Variants in SLC30A7 observed in about 807,000 individuals in gnomAD.
SLC30A7 encodes solute carrier family 30 member 7.
Under a neutral mutation model 46.0 loss-of-function variants are expected in SLC30A7, and 35 were observed. That is an observed-to-expected ratio of 0.76 (90% CI 0.58 to 1.01). SLC30A7 has a LOEUF of 1.01. Among genes scored for constraint, SLC30A7 ranks in the 50% least tolerant of loss-of-function variants. SLC30A7 has a pLI of 0.00. For synonymous variants in SLC30A7, 147 were observed against 157.8 expected, an observed-to-expected ratio of 0.93 and a Z score of 0.51; for missense variants, 464 against 451.1, an observed-to-expected ratio of 1.03 and a Z score of -0.26.
chr1:100,953,028 T>G (rs1156775344), intron 8 of SLC30A7, among the ~76,000 whole-genome samples: 1 of 151,914 alleles, frequency 6.6e-6, no homozygotes, highest in Admixed American at 6.6e-5. Flanking sequence ...ATTTCCCCCT[T>G]GCTGTTCTTG....
chr1:100,921,606 T>TATATCA (rs1477773365), intron 7 of SLC30A7, 100 bp from the exon 8 acceptor site: 1 of 846,886 alleles, frequency 1.2e-6, no homozygotes, highest in Non-Finnish European at 1.8e-6. Flanking sequence ...AGTTGATATC[T>TATATCA]AGTTTTTTAT....
intron 8 of SLC30A7, among the ~76,000 whole-genome samples, chr1:100,931,116 A>G (rs1008957859): frequency 2.0e-5 from 3 of 152,168 alleles, no homozygotes; most frequent in African/African-American, 7.2e-5. Flanking sequence ...CAGTGAGCAT[A>G]GTAATGGTAA....
At chr1:100,941,868 G>A (rs928239476) in intron 8 of SLC30A7, 4 of 453,504 alleles carry the variant, frequency 8.8e-6, no homozygotes, top group African/African-American at 8.0e-5. Context: ...CACACACTCT[G>A]TGAGTGTTCC....
At chr1:100,964,638 A>G (rs1655770561) in intron 9 of SLC30A7, among the ~76,000 whole-genome samples, 1 of 152,166 alleles carries the variant, frequency 6.6e-6, no homozygotes, top group African/African-American at 2.4e-5. Flanking sequence ...TTGTAAAATT[A>G]AGCCAGTTTC....
At chr1:100,944,078 G>T (rs925327471) in intron 8 of SLC30A7, among the ~76,000 whole-genome samples, 4 of 152,130 alleles carry the variant, frequency 2.6e-5, no homozygotes, top group Non-Finnish European at 5.9e-5. Context: ...TCGAGACAGG[G>T]TCTGGCTCTG....
intron 4 of SLC30A7, among the ~76,000 whole-genome samples, chr1:100,911,683 T>TG (rs2101017381): frequency 6.6e-6 from 1 of 152,144 alleles, no homozygotes; most frequent in South Asian, 2.1e-4. Flanking sequence ...CTGAGTAGCT[T>TG]GGATTACAGG....
the SLC30A7 span, among the ~76,000 whole-genome samples, chr1:100,994,509 C>T: frequency 6.6e-6 from 1 of 150,908 alleles, no homozygotes. Context: ...GAGCACTCAA[C>T]TAGAGGCAGA....
At chr1:100,958,338 A>G (rs944320488) in intron 8 of SLC30A7, among the ~76,000 whole-genome samples, 3 of 151,980 alleles carry the variant, frequency 2.0e-5, no homozygotes, top group Admixed American at 2.0e-4. Flanking sequence ...CATCACGCCC[A>G]GCTAATTTTT....
chr1:100,918,727 A>G (rs1255753166), intron 7 of SLC30A7, among the ~76,000 whole-genome samples: 1 of 152,178 alleles, frequency 6.6e-6, no homozygotes, highest in Non-Finnish European at 1.5e-5. Flanking sequence ...CCTATTTTAT[A>G]ATAAAGTGTT....
At chr1:100,957,400 C>T (rs1278330050) in intron 8 of SLC30A7, among the ~76,000 whole-genome samples, 2 of 152,116 alleles carry the variant, frequency 1.3e-5, no homozygotes, top group Non-Finnish European at 1.5e-5. Flanking sequence ...TATATAAAAA[C>T]AATTTATATT....
At chr1:100,904,169 G>T (rs1175867260) in intron 2 of SLC30A7, among the ~76,000 whole-genome samples, 2 of 151,998 alleles carry the variant, frequency 1.3e-5, no homozygotes. Context: ...TTTGGAGCTG[G>T]GATTTGAACC....
chr1:100,964,103 G>A (rs910896783), intron 9 of SLC30A7, among the ~76,000 whole-genome samples: 1 of 151,884 alleles, frequency 6.6e-6, no homozygotes, highest in Non-Finnish European at 1.5e-5. Context: ...AGATCAGAAG[G>A]CTAGAGGAAA....
rs1027598618 is a variant in SLC30A7 at position 100,923,172 on chromosome 1, T to A, written c.842+1331T>A. On this transcript the variant is annotated intron_variant, in intron 8 of 10. Coordinates refer to ENST00000357650, the MANE Select transcript of SLC30A7 (RefSeq NM_133496.5). ...GCTGGGACTACAGGCGCCCGCCACC[T>A]CGCCCGGCTAATTTTTTGTATTTTT... is the stretch of plus-strand genomic sequence containing the variant. 1.5e-5 allele frequency among the ~76,000 whole-genome samples: 2 copies of A among 136,662 alleles called. 1 individual carries two copies. Among genetic ancestry groups the A allele is most frequent in the Non-Finnish European group, 3.2e-5 (2 of 62,378 alleles). 89.7% of individuals were successfully genotyped at this position (136,662 alleles called of 152,430 possible).
chr1:100,965,645 T>A (rs1174572862), intron 9 of SLC30A7, 124 bp from the exon 10 acceptor site: 2 of 760,618 alleles, frequency 2.6e-6, no homozygotes, highest in African/African-American at 3.5e-5. Flanking sequence ...TATTCAAACA[T>A]CCTCCTTTCC....
rs10604120 is a variant in SLC30A7 at position 100,975,828 on chromosome 1, G to GTTT, written c.*996_*998dup. On this transcript the variant is annotated 3_prime_UTR_variant, in exon 11 of 11. Transcript: ENST00000357650. ...GGTGTGAGCCACCACGCCCGGCTATGTTTTTTTTTTTTTTTTTTTTTTTTT... is the reference window on the plus strand; with the variant it reads ...GGTGTGAGCCACCACGCCCGGCTATGTTTTTTTTTTTTTTTTTTTTTTTTTTTT... 3.0e-5 allele frequency: 3 copies of GTTT among 99,112 alleles called. No individual in the cohort carries two copies. The highest frequency in any genetic ancestry group is 2.1e-4 in the Admixed American group (2 of 9,370). The allele number at this position is 99,112 out of a possible 1,614,324, so 6.1% of individuals were successfully genotyped here.
rs143182773 is a variant in SLC30A7 at position 100,926,561 on chromosome 1, C to T, written c.842+4720C>T. Among the ~76,000 whole-genome samples, 993 of 152,296 alleles carry T rather than the reference C, an allele frequency of 6.5e-3. 17 individuals carry two copies. The highest frequency in any genetic ancestry group is 0.021 in the African/African-American group (865 of 41,572). ...CTCCCACCAGGCCCCACCTCCAGCA[C>T]TGGGGATTACAATTCAGCATGAGTT... On this transcript the variant is annotated intron_variant, in intron 8 of 10. Coordinates refer to ENST00000357650, the MANE Select transcript of SLC30A7 (RefSeq NM_133496.5).
chr1:100,985,685 T>A (rs555107737), downstream of SLC30A7, among the ~76,000 whole-genome samples: 19 of 151,906 alleles, frequency 1.3e-4, no homozygotes, highest in Admixed American at 7.9e-4. Context: ...TATCAAGATG[T>A]TGTAACTAAA....
chr1:100,942,552 A>T (rs1654411767), intron 8 of SLC30A7, among the ~76,000 whole-genome samples: 1 of 152,204 alleles, frequency 6.6e-6, no homozygotes, highest in South Asian at 2.1e-4. Context: ...ACCTGAAATA[A>T]TCGAAAGAAT....
At chr1:100,916,250 G>A (rs949240004) in intron 6 of SLC30A7, among the ~76,000 whole-genome samples, 3 of 151,848 alleles carry the variant, frequency 2.0e-5, no homozygotes, top group Non-Finnish European at 2.9e-5. Context: ...TCAGTGGTGC[G>A]ATATCGGCTC....
Sources: allele counts gnomAD v4.1 joint callset (sites outside exome capture counted in the v4.1 genomes callset), GRCh38; gene constraint gnomAD v4.1.1; transcripts MANE v1.5; gene names NCBI Gene and HGNC (gene_info 2026-07-23, HGNC 2026-07-21).